Variants in UBE2G1 observed in about 807,000 individuals in gnomAD.
UBE2G1 encodes ubiquitin-conjugating enzyme E2 G1.
A neutral mutation model predicts 22.7 loss-of-function variants in UBE2G1; 5 were observed. That is an observed-to-expected ratio of 0.22 (90% CI 0.12 to 0.46). The LOEUF (loss-of-function observed/expected upper bound fraction) is 0.46, where lower values mean the gene tolerates loss of function less well. UBE2G1 is among the 20% of genes least tolerant of loss of function. The pLI, the probability that UBE2G1 is intolerant of heterozygous loss-of-function variation, is 0.99. For synonymous variants in UBE2G1, 74 were observed against 67.5 expected (o/e 1.10, Z -0.47); for missense variants, 88 against 203.9 (o/e 0.43, Z 3.46).
At chr17:4,289,002 T>C (rs1164287078) in intron 4 of UBE2G1, among the ~76,000 whole-genome samples, 1 of 151,914 alleles carries the variant, frequency 6.6e-6, no homozygotes, top group Non-Finnish European at 1.5e-5. Context: ...ATTGTGCCAC[T>C]GCACTCCAGC....
At chr17:4,332,293 A>T (rs975676806) in intron 1 of UBE2G1, among the ~76,000 whole-genome samples, 1 of 152,204 alleles carries the variant, frequency 6.6e-6, no homozygotes, top group African/African-American at 2.4e-5. Flanking sequence ...GTCATGAAAT[A>T]GATCTAGTGG....
At chr17:4,344,723 G>C (rs1969750197) in intron 1 of UBE2G1, among the ~76,000 whole-genome samples, 1 of 151,994 alleles carries the variant, frequency 6.6e-6, no homozygotes, top group African/African-American at 2.4e-5. Flanking sequence ...GTGTGGTGGT[G>C]TACCATGTGG....
chr17:4,366,137 G>A (rs1970032279), intron 1 of UBE2G1, 134 bp downstream of exon 1: 1 of 912,328 alleles, frequency 1.1e-6, no homozygotes, highest in Non-Finnish European at 1.5e-6. Flanking sequence ...CGGGACCGGA[G>A]CCTCGAGGTC....
At chr17:4,366,250 C>CCCCGCCG (rs1567533645) in intron 1 of UBE2G1, 21 bp downstream of exon 1, 2 of 1,532,614 alleles carry the variant, frequency 1.3e-6, no homozygotes, top group Middle Eastern at 2.0e-4. Context: ...GGGCCCGGCG[C>CCCCGCCG]CCCGCCGCCC....
At chr17:4,335,916 C>T (rs530763195) in intron 1 of UBE2G1, among the ~76,000 whole-genome samples, 10 of 152,220 alleles carry the variant, frequency 6.6e-5, no homozygotes, top group African/African-American at 2.2e-4. Flanking sequence ...GAGGCCAAGG[C>T]GGGAGGATCA....
intron 1 of UBE2G1, among the ~76,000 whole-genome samples, chr17:4,358,242 T>A (rs1248396233): frequency 6.6e-6 from 1 of 152,140 alleles, no homozygotes; most frequent in Non-Finnish European, 1.5e-5. Context: ...TATGTCCTCT[T>A]CAGTGAAATG....
chr17:4,348,723 T>G (rs1158951883), intron 1 of UBE2G1, among the ~76,000 whole-genome samples: 2 of 148,554 alleles, frequency 1.3e-5, no homozygotes, highest in African/African-American at 2.5e-5. Flanking sequence ...TAACTAGGCA[T>G]GGTGGCATGT....
chr17:4,322,745 A>G (rs1969456960), intron 1 of UBE2G1, among the ~76,000 whole-genome samples: 1 of 152,234 alleles, frequency 6.6e-6, no homozygotes, highest in East Asian at 1.9e-4. Context: ...CTTTAAGTAT[A>G]TCCCCTGTAT....
chr17:4,359,224 T>G (rs747847691), intron 1 of UBE2G1, among the ~76,000 whole-genome samples: 1 of 152,160 alleles, frequency 6.6e-6, no homozygotes, highest in Non-Finnish European at 1.5e-5. Flanking sequence ...CAGTCTTGTT[T>G]TACAAGATTA....
chr17:4,301,776 G>T, intron 2 of UBE2G1: 1 of 598,520 alleles, frequency 1.7e-6, no homozygotes, highest in South Asian at 1.5e-5. Context: ...GCTGTCAGCT[G>T]GTTTAAAGAC....
chr17:4,326,310 T>C (rs538028397), intron 1 of UBE2G1, among the ~76,000 whole-genome samples: 1 of 152,252 alleles, frequency 6.6e-6, no homozygotes, highest in South Asian at 2.1e-4. Flanking sequence ...GATAAAAAGA[T>C]GTCTGGTCAA....
intron 5 of UBE2G1, among the ~76,000 whole-genome samples, chr17:4,273,987 T>TAG (rs1448000782): frequency 6.6e-6 from 1 of 151,920 alleles, no homozygotes; most frequent in Non-Finnish European, 1.5e-5. Flanking sequence ...AATATGAACT[T>TAG]ACCAATTTTT....
chr17:4,337,704 G>A (rs1456080154), intron 1 of UBE2G1, among the ~76,000 whole-genome samples: 2 of 151,564 alleles, frequency 1.3e-5, no homozygotes, highest in South Asian at 2.1e-4. Flanking sequence ...AAAATCTTTG[G>A]TACACTAATA....
At chr17:4,316,045 C>T (rs1017326622) in intron 1 of UBE2G1, among the ~76,000 whole-genome samples, 2 of 151,852 alleles carry the variant, frequency 1.3e-5, no homozygotes, top group African/African-American at 4.8e-5. Context: ...TCTCGTGATC[C>T]GCCCACCTCG....
chr17:4,366,224 G>A (rs893804982), intron 1 of UBE2G1, 47 bp downstream of exon 1: 32 of 1,505,058 alleles, frequency 2.1e-5, no homozygotes, highest in Non-Finnish European at 2.8e-5. Context: ...GGCTGCGGCT[G>A]TCCGCGATCG....
intron 1 of UBE2G1, 91 bp from the exon 2 acceptor site, chr17:4,307,214 G>A (rs1002981800): frequency 8.7e-7 from 1 of 1,146,920 alleles, no homozygotes; most frequent in Admixed American, 1.9e-5. Flanking sequence ...CATGTTTTAT[G>A]TAAGTTTTAA....
intron 1 of UBE2G1, among the ~76,000 whole-genome samples, chr17:4,335,807 G>C (rs1320464356): frequency 6.6e-6 from 1 of 152,084 alleles, no homozygotes; most frequent in African/African-American, 2.4e-5. Context: ...TACAAAATGA[G>C]ACAGAAGGGA....
intron 1 of UBE2G1, among the ~76,000 whole-genome samples, chr17:4,310,758 T>C (rs1969300704): frequency 6.6e-6 from 1 of 152,128 alleles, no homozygotes; most frequent in African/African-American, 2.4e-5. Context: ...AAAGGCATGA[T>C]GAGAACAAAG....
chr17:4,307,974 C>A (rs1969266545), intron 1 of UBE2G1, among the ~76,000 whole-genome samples: 1 of 152,200 alleles, frequency 6.6e-6, no homozygotes, highest in Non-Finnish European at 1.5e-5. Flanking sequence ...AAGTACTGGC[C>A]TCCTGATGGT....
Sources: gnomAD v4.1 joint callset for allele counts (sites outside exome capture counted in the v4.1 genomes callset) on GRCh38, gnomAD v4.1.1 for gene constraint, MANE v1.5 for transcripts, NCBI Gene and HGNC (gene_info 2026-07-23, HGNC 2026-07-21) for gene names.